EXT1: variants seen among roughly 807,000 people sequenced by gnomAD.
EXT1 encodes exostosin-1.
Under a neutral mutation model 82.5 loss-of-function variants are expected in EXT1, and 20 were observed. The observed-to-expected ratio is 0.24, with a 90% CI of 0.17 to 0.35. The LOEUF (loss-of-function observed/expected upper bound fraction) is 0.35, where lower values mean the gene tolerates loss of function less well. Ranked by LOEUF, EXT1 falls within the 10% of genes least tolerant of loss-of-function variation. The probability of loss-of-function intolerance (pLI) is 1.00; values close to 1 mark genes in which losing one functional copy is unlikely to be tolerated. For synonymous variants in EXT1, 348 were observed against 350.8 expected (o/e 0.99, Z 0.09); for missense variants, 757 against 936.5 (o/e 0.81, Z 2.50).
Position 118,111,656 on chromosome 8 carries a change from C to T in EXT1, c.-610G>A, listed in dbSNP as rs1023438280. ...GACTCCGGCGGTGTTTACTCCTGCGCTCGCGGGGCCGGCCCCCGGGACGCG... is the reference window on the plus strand; with the variant it reads ...GACTCCGGCGGTGTTTACTCCTGCGTTCGCGGGGCCGGCCCCCGGGACGCG... On this transcript the variant is annotated 5_prime_UTR_variant, in exon 1 of 11. Coordinates refer to ENST00000378204, the MANE Select transcript of EXT1 (RefSeq NM_000127.3). 125 of 376,286 alleles carry T rather than the reference C, an allele frequency of 3.3e-4. No homozygotes were observed. The highest frequency in any genetic ancestry group is 2.4e-3 in the African/African-American group (114 of 48,022). The allele number at this position is 376,286 out of a possible 1,614,324, so 23.3% of individuals were successfully genotyped here.
chr8:118,088,477 T>C (rs563899235), intron 1 of EXT1, among the ~76,000 whole-genome samples: 5 of 148,932 alleles, frequency 3.4e-5, no homozygotes, highest in African/African-American at 1.2e-4. Flanking sequence ...TGCTATCTGA[T>C]TAATATAGTA....
At chr8:117,863,418 T>G (rs1812720121) in intron 1 of EXT1, among the ~76,000 whole-genome samples, 1 of 111,402 alleles carries the variant, frequency 9.0e-6, no homozygotes, top group African/African-American at 2.6e-5. Context: ...TAGGTTTTTT[T>G]TTTTTTTTGG....
At chr8:117,993,690 T>A (rs759221599) in intron 1 of EXT1, among the ~76,000 whole-genome samples, 1 of 152,164 alleles carries the variant, frequency 6.6e-6, no homozygotes, top group Non-Finnish European at 1.5e-5. Flanking sequence ...TCACAATCCA[T>A]GAGTATAGTT....
At chr8:117,808,410 A>C (rs1347492171) in intron 8 of EXT1, among the ~76,000 whole-genome samples, 2 of 152,314 alleles carry the variant, frequency 1.3e-5, no homozygotes, top group South Asian at 4.1e-4. Context: ...AAGTTCAAGT[A>C]ATTTGCTGAG....
intron 1 of EXT1, among the ~76,000 whole-genome samples, chr8:117,904,280 T>G (rs1813503168): frequency 6.6e-6 from 1 of 152,218 alleles, no homozygotes; most frequent in East Asian, 1.9e-4. Context: ...ATAACAAACC[T>G]GATGTGCCTA....
intron 1 of EXT1, among the ~76,000 whole-genome samples, chr8:118,088,515 G>C (rs561850609): frequency 6.6e-6 from 1 of 151,582 alleles, no homozygotes; most frequent in Admixed American, 6.6e-5. Flanking sequence ...AAAGGTAGGG[G>C]AAGAAAGGGG....
chr8:117,989,277 C>T (rs1463144158), intron 1 of EXT1, among the ~76,000 whole-genome samples: 1 of 151,496 alleles, frequency 6.6e-6, no homozygotes, highest in Non-Finnish European at 1.5e-5. Flanking sequence ...CTGGCTCCTG[C>T]GTCGGCTAAG....
At chr8:118,012,258 G>A (rs542666397) in intron 1 of EXT1, among the ~76,000 whole-genome samples, 1 of 152,352 alleles carries the variant, frequency 6.6e-6, no homozygotes, top group Admixed American at 6.5e-5. Flanking sequence ...TAGAAGCCTT[G>A]CTGAAAGTTT....
chr8:118,093,444 T>C (rs1817558148), intron 1 of EXT1, among the ~76,000 whole-genome samples: 1 of 152,168 alleles, frequency 6.6e-6, no homozygotes, highest in African/African-American at 2.4e-5. Flanking sequence ...AGTGAACCAT[T>C]TGCCAGAGTC....
At chr8:117,934,641 T>C (rs997323752) in intron 1 of EXT1, among the ~76,000 whole-genome samples, 7 of 152,234 alleles carry the variant, frequency 4.6e-5, no homozygotes, top group African/African-American at 1.7e-4. Context: ...GGCTAGAGAA[T>C]GAAATCTGAA....
intron 1 of EXT1, among the ~76,000 whole-genome samples, chr8:118,006,920 T>G (rs554513710): frequency 6.6e-6 from 1 of 152,306 alleles, no homozygotes; most frequent in Admixed American, 6.5e-5. Flanking sequence ...AAATCTTCCA[T>G]TTTCCTACCT....
chr8:117,823,440 A>G (rs536560741), intron 4 of EXT1, among the ~76,000 whole-genome samples: 1 of 152,068 alleles, frequency 6.6e-6, no homozygotes, highest in Admixed American at 6.5e-5. Context: ...TCCACTCATT[A>G]GAATATGATT....
intron 1 of EXT1, among the ~76,000 whole-genome samples, chr8:118,097,987 G>A (rs1401235232): frequency 6.6e-6 from 1 of 152,188 alleles, no homozygotes; most frequent in African/African-American, 2.4e-5. Context: ...TTTCCAGAAA[G>A]TGGAAAGGAG....
intron 1 of EXT1, among the ~76,000 whole-genome samples, chr8:117,907,692 T>C (rs1370926166): frequency 6.6e-6 from 1 of 152,212 alleles, no homozygotes; most frequent in East Asian, 1.9e-4. Context: ...AATTATGCTG[T>C]GAGATTTACT....
At chr8:117,948,544 C>T (rs939025585) in intron 1 of EXT1, among the ~76,000 whole-genome samples, 2 of 152,158 alleles carry the variant, frequency 1.3e-5, no homozygotes, top group African/African-American at 4.8e-5. Context: ...TACCAGGGTT[C>T]CATGAACCTA....
chr8:118,107,635 C>T (rs1224036390), intron 1 of EXT1, among the ~76,000 whole-genome samples: 5 of 152,166 alleles, frequency 3.3e-5, no homozygotes, highest in East Asian at 3.8e-4. Context: ...CGCCAGAGCA[C>T]GACACACGTT....
chr8:118,056,323 T>C (rs1035449980), intron 1 of EXT1, among the ~76,000 whole-genome samples: 3 of 152,128 alleles, frequency 2.0e-5, no homozygotes, highest in Non-Finnish European at 4.4e-5. Context: ...TTCCCCTGGG[T>C]CTAACAGGAC....
intron 1 of EXT1, among the ~76,000 whole-genome samples, chr8:117,850,067 C>T (rs1812427771): frequency 1.3e-5 from 2 of 152,158 alleles, no homozygotes; most frequent in South Asian, 2.1e-4. Context: ...ATTAACCAAT[C>T]AGTCTGTTTT....
chr8:118,111,763 C>G lies in EXT1; in HGVS notation c.-717G>C, dbSNP rs1381790284. 2 of 148,702 alleles carry G rather than the reference C, an allele frequency of 1.3e-5. No homozygotes were observed. The highest frequency in any genetic ancestry group is 2.4e-5 in the African/African-American group (1 of 40,992). The allele number at this position is 148,702 out of a possible 1,614,324, so 9.2% of individuals were successfully genotyped here. On this transcript the variant is annotated 5_prime_UTR_variant, in exon 1 of 11. Transcript: ENST00000378204. ...TCCTCCCCGCGGGCAGTGCCGGCCC[C>G]GAGCAGCGCTTCGCAGGCCCCCGCG...
Sources: allele counts gnomAD v4.1 joint callset (sites outside exome capture counted in the v4.1 genomes callset), GRCh38; gene constraint gnomAD v4.1.1; transcripts MANE v1.5; gene names NCBI Gene and HGNC (gene_info 2026-07-23, HGNC 2026-07-21).